CRPPA: variants seen among roughly 807,000 people sequenced by gnomAD.
CRPPA encodes the protein CDP-L-ribitol pyrophosphorylase A.
Under a neutral mutation model 52.0 loss-of-function variants are expected in CRPPA, and 43 were observed. That is an observed-to-expected ratio of 0.83 (90% CI 0.65 to 1.07). CRPPA has a LOEUF of 1.07. Ranked by LOEUF, CRPPA falls within the 50% of genes least tolerant of loss-of-function variation. CRPPA has a pLI of 0.00. For synonymous variants in CRPPA, 250 were observed against 203.5 expected (o/e 1.23, Z -1.94); for missense variants, 629 against 551.7 (o/e 1.14, Z -1.40).
At chr7:16,402,052 C>T (rs976493306) in intron 2 of CRPPA, among the ~76,000 whole-genome samples, 10 of 152,008 alleles carry the variant, frequency 6.6e-5, no homozygotes, top group Non-Finnish European at 1.5e-4. Context: ...AGACCTTGAG[C>T]GTGTGCTACT....
At chr7:16,300,675 G>A (rs1328167172) in intron 5 of CRPPA, among the ~76,000 whole-genome samples, 3 of 152,122 alleles carry the variant, frequency 2.0e-5, no homozygotes. Context: ...AACTTGTAAT[G>A]CACAAAACAG....
At chr7:16,101,515 A>G (rs59529774) in intron 9 of CRPPA, among the ~76,000 whole-genome samples, 5,824 of 151,152 alleles carry the variant, frequency 0.039, 326 homozygotes, top group East Asian at 0.3. Context: ...TCATTTTTTT[A>G]TTGCATCTAT....
At chr7:16,267,202 G>C (rs912261764) in intron 6 of CRPPA, among the ~76,000 whole-genome samples, 3 of 152,148 alleles carry the variant, frequency 2.0e-5, no homozygotes, top group Non-Finnish European at 4.4e-5. Context: ...CTACAAGCCA[G>C]ACACTAAATT....
chr7:16,179,168 A>T (rs1193475738), intron 9 of CRPPA, among the ~76,000 whole-genome samples: 1 of 152,146 alleles, frequency 6.6e-6, no homozygotes, highest in East Asian at 1.9e-4. Flanking sequence ...ACAAGTATCA[A>T]GTATTTTTTG....
At chr7:16,407,022 C>A (rs1562688669) in intron 1 of CRPPA, among the ~76,000 whole-genome samples, 1 of 152,214 alleles carries the variant, frequency 6.6e-6, no homozygotes. Context: ...GTGCCCCATG[C>A]TGGAATACAG....
chr7:16,398,041 G>C (rs576596357), intron 2 of CRPPA, among the ~76,000 whole-genome samples: 14 of 152,358 alleles, frequency 9.2e-5, no homozygotes, highest in African/African-American at 1.7e-4. Context: ...TAATCAACAT[G>C]TGTCACAGCT....
At chr7:16,294,298 G>C (rs1047015668) in intron 5 of CRPPA, among the ~76,000 whole-genome samples, 3 of 151,748 alleles carry the variant, frequency 2.0e-5, no homozygotes, top group Non-Finnish European at 4.4e-5. Flanking sequence ...CTGATATCAA[G>C]TCTTATTTAA....
At chr7:16,234,038 C>T (rs546636449) in intron 8 of CRPPA, among the ~76,000 whole-genome samples, 1 of 152,042 alleles carries the variant, frequency 6.6e-6, no homozygotes, top group Admixed American at 6.6e-5. Context: ...TAAAAGGAGA[C>T]AGGAAAAAAG....
chr7:16,253,400 T>C (rs908333198), intron 8 of CRPPA, among the ~76,000 whole-genome samples: 3 of 152,208 alleles, frequency 2.0e-5, no homozygotes, highest in Admixed American at 6.5e-5. Flanking sequence ...TCAGTTTCCA[T>C]GTAGTTGTAC....
At chr7:16,298,420 T>C (rs1392956121) in intron 5 of CRPPA, among the ~76,000 whole-genome samples, 3 of 152,176 alleles carry the variant, frequency 2.0e-5, no homozygotes, top group Non-Finnish European at 4.4e-5. Context: ...AAGTCAGCAT[T>C]TGCTTTAGAA....
intron 9 of CRPPA, among the ~76,000 whole-genome samples, chr7:16,146,128 A>C (rs1782969935): frequency 6.6e-6 from 1 of 152,146 alleles, no homozygotes; most frequent in African/African-American, 2.4e-5. Context: ...ATTTCTCAGC[A>C]GAAACCTTTC....
At position 16,161,740 on chromosome 7, in the gene CRPPA, G is replaced by T. The variant is rs1185979484; in HGVS notation, c.1251+54326C>A. Among the ~76,000 whole-genome samples the T allele has an allele frequency of 2.0e-5, 3 of 152,116 alleles. No individual in the cohort carries two copies. The East Asian group carries it at 5.8e-4, about 29-fold the overall frequency. ...GGAGTCCCTCTTTTTCTATTGTTTG[G>T]AATGGTTTCAGACAGAATGGTACCA... On this transcript the variant is annotated intron_variant, in intron 9 of 9. Coordinates refer to ENST00000407010, the MANE Select transcript of CRPPA (RefSeq NM_001101426.4).
chr7:16,289,060 G>C (rs1196621262), intron 5 of CRPPA, among the ~76,000 whole-genome samples: 4 of 151,928 alleles, frequency 2.6e-5, no homozygotes, highest in Non-Finnish European at 5.9e-5. Context: ...AGGATGATGA[G>C]AAATTATTAT....
chr7:16,122,956 T>C (rs1782506661), intron 9 of CRPPA, among the ~76,000 whole-genome samples: 1 of 152,020 alleles, frequency 6.6e-6, no homozygotes, highest in Non-Finnish European at 1.5e-5. Flanking sequence ...TTATATGGCA[T>C]ATAGAAGGAA....
Position 16,421,410 on chromosome 7 carries a change from G to A in CRPPA, c.-88C>T. On this transcript the variant is annotated 5_prime_UTR_variant, in exon 1 of 10. Coordinates refer to ENST00000407010, the MANE Select transcript of CRPPA (RefSeq NM_001101426.4). ...CCCTCGGCCGGGGTCGCGGGGCGAA[G>A]GGCAGACCACGGAGAGGGACGCAGA... 8.5e-7 allele frequency: 1 copy of A among 1,180,372 alleles called. No homozygotes were observed. The highest frequency in any genetic ancestry group is 1.1e-6 in the Non-Finnish European group (1 of 947,672). The allele number at this position is 1,180,372 out of a possible 1,614,324, so 73.1% of individuals were successfully genotyped here.
intron 9 of CRPPA, among the ~76,000 whole-genome samples, chr7:16,162,659 T>A (rs969023903): frequency 1.3e-5 from 2 of 152,210 alleles, no homozygotes; most frequent in Non-Finnish European, 2.9e-5. Context: ...TTCTGTTGAC[T>A]TGGGGTGCAG....
rs114506116 is a variant in CRPPA, at chr7:16,107,605, G to T, written c.1252-15806C>A. Among the ~76,000 whole-genome samples, 460 of 152,062 alleles carry T rather than the reference G, an allele frequency of 3.0e-3. 5 individuals are homozygous for T. The highest frequency in any genetic ancestry group is 0.011 in the African/African-American group (451 of 41,522). ...GAGTTCATCACTGGCATACTCATAG[G>T]AACTGGTAAAGCAAGTTTTTTAAAC... On this transcript the variant is annotated intron_variant, in intron 9 of 9. Coordinates refer to ENST00000407010, the MANE Select transcript of CRPPA (RefSeq NM_001101426.4).
chr7:16,399,669 C>G (rs140452434), intron 2 of CRPPA, among the ~76,000 whole-genome samples: 1 of 151,448 alleles, frequency 6.6e-6, no homozygotes, highest in African/African-American at 2.4e-5. Flanking sequence ...GACACGTGGC[C>G]GACGCATGAC....
intron 9 of CRPPA, among the ~76,000 whole-genome samples, chr7:16,114,757 A>G (rs1465294450): frequency 1.3e-5 from 2 of 152,110 alleles, no homozygotes; most frequent in African/African-American, 4.8e-5. Flanking sequence ...TGGAGGACAC[A>G]TAACTCCTTT....
Sources: gnomAD v4.1 joint callset for allele counts (sites outside exome capture counted in the v4.1 genomes callset) on GRCh38, gnomAD v4.1.1 for gene constraint, MANE v1.5 for transcripts, NCBI Gene and HGNC (gene_info 2026-07-23, HGNC 2026-07-21) for gene names.